The following PTPRD variants were observed in gnomAD, a reference collection of about 807,000 sequenced individuals.
PTPRD encodes the protein protein tyrosine phosphatase receptor type D, also known as receptor-type tyrosine-protein phosphatase delta.
PTPRD carries 34 observed loss-of-function variants against 214.5 expected under a neutral mutation model. The ratio of observed to expected loss-of-function variants is 0.16; its 90% CI spans 0.12 to 0.21. The LOEUF (loss-of-function observed/expected upper bound fraction) is 0.21, where lower values mean the gene tolerates loss of function less well. Ranked by LOEUF, PTPRD falls within the 10% of genes least tolerant of loss-of-function variation. The pLI, the probability that PTPRD is intolerant of heterozygous loss-of-function variation, is 1.00. For missense variants in PTPRD, 2,545 were observed against 2,398.7 expected (o/e 1.06, Z -1.27); for synonymous variants, 1,128 against 845.7 (o/e 1.33, Z -5.79).
chr9:8,333,859 A>T (rs1481036759), intron 43 of PTPRD, among the ~76,000 whole-genome samples: 1 of 152,154 alleles, frequency 6.6e-6, no homozygotes, highest in Non-Finnish European at 1.5e-5. Context: ...GAAGGCAAAA[A>T]AAAAGAGCAG....
intron 4 of PTPRD, among the ~76,000 whole-genome samples, chr9:10,001,067 G>T (rs116178923): frequency 6.6e-6 from 1 of 152,040 alleles, no homozygotes; most frequent in Non-Finnish European, 1.5e-5. Context: ...TCTCTGTAGC[G>T]GGGAGCTTTT....
intron 14 of PTPRD, among the ~76,000 whole-genome samples, chr9:8,620,231 C>A (rs2095773025): frequency 6.6e-6 from 1 of 151,970 alleles, no homozygotes; most frequent in Non-Finnish European, 1.5e-5. Context: ...AATAGAGGTT[C>A]TGTATCATTT....
At chr9:8,545,006 C>A (rs2079632977) in intron 14 of PTPRD, among the ~76,000 whole-genome samples, 1 of 147,542 alleles carries the variant, frequency 6.8e-6, no homozygotes, top group Admixed American at 7.0e-5. Flanking sequence ...ACAAAACTTT[C>A]TGGGATATTC....
chr9:8,430,176 C>T (rs1326304983), intron 35 of PTPRD, among the ~76,000 whole-genome samples: 2 of 152,124 alleles, frequency 1.3e-5, no homozygotes, highest in Non-Finnish European at 2.9e-5. Context: ...AAAACTGTAC[C>T]TTGAGGACCA....
chr9:9,262,336 T>TA (rs1187066031), intron 9 of PTPRD, among the ~76,000 whole-genome samples: 2 of 150,586 alleles, frequency 1.3e-5, no homozygotes, highest in Non-Finnish European at 3.0e-5. Flanking sequence ...ATGCTAAAAA[T>TA]AGTACAATTT....
At chr9:9,356,248 A>C (rs556456175) in intron 9 of PTPRD, among the ~76,000 whole-genome samples, 2 of 151,540 alleles carry the variant, frequency 1.3e-5, no homozygotes, top group Admixed American at 1.3e-4. Flanking sequence ...TGGAGAAATA[A>C]CAGCAAGTTT....
intron 14 of PTPRD, among the ~76,000 whole-genome samples, chr9:8,543,369 CA>C (rs1411892909): frequency 3.3e-5 from 5 of 152,182 alleles, no homozygotes; most frequent in South Asian, 4.1e-4. Context: ...ACCAATCCCC[CA>C]ACAGCCACGA....
Position 8,317,861 on chromosome 9 carries a change from G to C in PTPRD, c.*13C>G. 6.2e-7 allele frequency: 1 copy of C among 1,611,436 alleles called. No homozygotes were observed. The highest frequency in any genetic ancestry group is 8.5e-7 in the Non-Finnish European group (1 of 1,178,068). On this transcript the variant is annotated 3_prime_UTR_variant, in exon 46 of 46. Coordinates refer to ENST00000381196, the MANE Select transcript of PTPRD (RefSeq NM_002839.4). ...AGGGCCTGTAGTAAAAATCCAGAAT[G>C]GGTCAGGGGTTTCTACGTTGCATAG...
At chr9:10,495,578 T>C (rs1166903714) in intron 2 of PTPRD, among the ~76,000 whole-genome samples, 1 of 151,902 alleles carries the variant, frequency 6.6e-6, no homozygotes, top group Non-Finnish European at 1.5e-5. Context: ...AGGTGTCTTA[T>C]ATTCATTGTC....
intron 10 of PTPRD, among the ~76,000 whole-genome samples, chr9:9,136,103 T>C (rs1189385795): frequency 6.6e-6 from 1 of 152,130 alleles, no homozygotes; most frequent in Non-Finnish European, 1.5e-5. Context: ...CATACCGTCA[T>C]AGTATAGAAA....
intron 10 of PTPRD, among the ~76,000 whole-genome samples, chr9:9,074,901 T>C (rs554092071): frequency 4.0e-5 from 6 of 151,400 alleles, no homozygotes; most frequent in Non-Finnish European, 8.8e-5. Context: ...GGGAGGTATT[T>C]TGGGCAAAAA....
chr9:9,922,579 CAAA>C (rs2082870479), intron 5 of PTPRD, among the ~76,000 whole-genome samples: 1 of 151,804 alleles, frequency 6.6e-6, no homozygotes, highest in African/African-American at 2.4e-5. Context: ...TGTCTATAAT[CAAA>C]GAACAGGGAA....
intron 3 of PTPRD, among the ~76,000 whole-genome samples, chr9:10,070,684 A>AT (rs1407138161): frequency 6.6e-6 from 1 of 151,944 alleles, no homozygotes; most frequent in Non-Finnish European, 1.5e-5. Flanking sequence ...TTTGCTTAGG[A>AT]TTTTTCAAAA....
chr9:9,304,525 A>G (rs1956491022), intron 9 of PTPRD, among the ~76,000 whole-genome samples: 1 of 151,978 alleles, frequency 6.6e-6, no homozygotes, highest in African/African-American at 2.4e-5. Flanking sequence ...AACTTGGAGC[A>G]TTTTAGATGC....
intron 7 of PTPRD, among the ~76,000 whole-genome samples, chr9:9,723,715 AT>A (rs1399062193): frequency 6.6e-6 from 1 of 152,194 alleles, no homozygotes; most frequent in East Asian, 1.9e-4. Flanking sequence ...AGTTTTCTGA[AT>A]ATCAGTTTTA....
chr9:9,915,233 A>G (rs1179376498), intron 5 of PTPRD, among the ~76,000 whole-genome samples: 4 of 152,164 alleles, frequency 2.6e-5, no homozygotes, highest in Non-Finnish European at 5.9e-5. Context: ...GTATGAACAT[A>G]TCTTTCCATA....
chr9:9,676,717 G>A (rs1346089296), intron 7 of PTPRD, among the ~76,000 whole-genome samples: 2 of 152,080 alleles, frequency 1.3e-5, no homozygotes, highest in South Asian at 2.1e-4. Context: ...CTTCCACAAT[G>A]GTTGAACTAG....
chr9:9,135,628 A>G lies in PTPRD; in HGVS notation c.-143+47676T>C, dbSNP rs541180912. On this transcript the variant is annotated intron_variant, in intron 10 of 45. Transcript: ENST00000381196. ...GAAAATATTGGATTTGAAGCTAATT[A>G]CTAAGGAAATGCTTAGTAATTCATT... Among the ~76,000 whole-genome samples, 3 of 152,306 alleles carry G rather than the reference A, an allele frequency of 2.0e-5. No individual in the cohort carries two copies. In the South Asian group the frequency reaches 6.2e-4, roughly 32 times the overall value.
chr9:10,432,124 A>G (rs1436837759), intron 2 of PTPRD, among the ~76,000 whole-genome samples: 2 of 151,932 alleles, frequency 1.3e-5, no homozygotes, highest in African/African-American at 4.8e-5. Flanking sequence ...TGATGAGTTC[A>G]TGTCCTTTGT....
Sources: allele counts gnomAD v4.1 joint callset (sites outside exome capture counted in the v4.1 genomes callset), GRCh38; gene constraint gnomAD v4.1.1; transcripts MANE v1.5; gene names NCBI Gene and HGNC (gene_info 2026-07-23, HGNC 2026-07-21).